Variants in USB1 observed in about 807,000 individuals in gnomAD.
USB1 encodes the protein U6 snRNA biogenesis phosphodiesterase 1.
A neutral mutation model predicts 29.9 loss-of-function variants in USB1; 21 were observed. The ratio of observed to expected loss-of-function variants is 0.70; its 90% CI spans 0.50 to 1.01. USB1 has a LOEUF of 1.01. USB1 is among the 50% of genes least tolerant of loss of function. The probability of loss-of-function intolerance (pLI) is 0.00; values close to 1 mark genes in which losing one functional copy is unlikely to be tolerated. For synonymous variants in USB1, 143 were observed against 134.9 expected (o/e 1.06, Z -0.42); for missense variants, 330 against 347.1 (o/e 0.95, Z 0.39).
rs150960523 is a variant in USB1, at chr16:58,012,546, C to T, written c.450-1727C>T. 8.0e-5 allele frequency: 109 copies of T among 1,362,234 alleles called. 1 individual carries two copies. The highest frequency in any genetic ancestry group is 4.6e-4 in the East Asian group (18 of 38,954). The allele number at this position is 1,362,234 out of a possible 1,614,324, so 84.4% of individuals were successfully genotyped here. A position where few individuals can be genotyped will look rare whatever the true frequency, so the allele number is the denominator to read the frequency against. ...ACAATGACGAAGCCACCGCATCTCC[C>T]GGCTAATGGTGTACCAGCCTGGAAA... On this transcript the variant is annotated intron_variant, in intron 3 of 6. Coordinates refer to ENST00000219281, the MANE Select transcript of USB1 (RefSeq NM_024598.4).
In USB1 at chr16:58,017,429, C is replaced by G. The variant is rs764715431; in HGVS notation, c.599C>G (p.Thr200Ser). 3.1e-6 allele frequency: 5 copies of G among 1,614,016 alleles called. No homozygotes were observed. In the South Asian group the frequency reaches 3.3e-5, roughly 11 times the overall value. Residue 200 changes from threonine (T) to serine (S), a missense_variant, in exon 5 of 7, where the codon ACT becomes AGT. Thr to Ser is a moderately conservative substitution (Grantham distance 58). Transcript: ENST00000219281. ...GTCATGGAGGAATTCAACCTCACCA[C>G]TTTCTACCAGGTAATGAATGGGGCT... ...DRVMEEFNLTTFYQDPSFHLS... is the reference protein window; with the variant it reads ...DRVMEEFNLTSFYQDPSFHLS...
chr16:58,014,638 C>T (rs1174351467), intron 4 of USB1, among the ~76,000 whole-genome samples: 1 of 152,112 alleles, frequency 6.6e-6, no homozygotes, highest in African/African-American at 2.4e-5. Flanking sequence ...CAAAAATTAG[C>T]TGAGCATGGT....
intron 4 of USB1, chr16:58,016,979 A>G: frequency 3.0e-6 from 1 of 335,824 alleles, no homozygotes; most frequent in Non-Finnish European, 5.8e-6. Context: ...CCTCGAGAAG[A>G]GGCCTCCTTG....
intron 2 of USB1, among the ~76,000 whole-genome samples, chr16:58,006,368 C>CA (rs74564449): frequency 8.2e-4 from 71 of 86,666 alleles, no homozygotes; most frequent in Middle Eastern, 8.1e-3. Flanking sequence ...AAAAAAAAAA[C>CA]AAAAAAAAAA....
chr16:58,002,999 G>T (rs1963266562), intron 2 of USB1, among the ~76,000 whole-genome samples: 1 of 152,172 alleles, frequency 6.6e-6, no homozygotes, highest in Non-Finnish European at 1.5e-5. Flanking sequence ...TCCCACCCTA[G>T]CTCTGATCAG....
intron 2 of USB1, among the ~76,000 whole-genome samples, chr16:58,008,204 T>C (rs1733063888): frequency 6.6e-6 from 1 of 152,046 alleles, no homozygotes; most frequent in South Asian, 2.1e-4. Context: ...CTGATTTTAG[T>C]AATTTGTGTG....
intron 2 of USB1, among the ~76,000 whole-genome samples, chr16:58,008,642 G>T (rs534926630): frequency 8.3e-4 from 126 of 151,754 alleles, no homozygotes; most frequent in Admixed American, 1.4e-3. Flanking sequence ...TAGTAGAGAC[G>T]GGGTGTCACC....
At chr16:58,005,618 T>G (rs4784880) in intron 2 of USB1, among the ~76,000 whole-genome samples, 105,329 of 151,466 alleles carry the variant, frequency 0.7, 37,120 homozygotes, top group African/African-American at 0.78. Flanking sequence ...ATTAATAATA[T>G]TCATATATAA....
chr16:58,013,358 CAG>C lies in USB1; in HGVS notation c.450-910_450-909del. ...TGATCCCTTACATTTTCTCCAGAGG[CAG>C]AGAGTTGGCTGACTGACTTTTGCCC... On this transcript the variant is annotated intron_variant, in intron 3 of 6. Coordinates refer to ENST00000219281, the MANE Select transcript of USB1 (RefSeq NM_024598.4). This position sits in a 1 kb window ranked among gnomAD's most constrained non-coding sequence, Gnocchi z 4.3. 8 of 985,486 alleles carry C rather than the reference CAG, an allele frequency of 8.1e-6. No individual in the cohort carries two copies. The highest frequency in any genetic ancestry group is 9.6e-6 in the Non-Finnish European group (8 of 829,990). 61.0% of individuals were successfully genotyped at this position (985,486 alleles called of 1,614,324 possible).
intron 2 of USB1, 122 bp from the exon 3 acceptor site, chr16:58,009,807 C>G (rs2142301943): frequency 1.4e-5 from 13 of 946,904 alleles, no homozygotes; most frequent in Non-Finnish European, 2.2e-5. Flanking sequence ...AGGCTGCTGT[C>G]CAAGTAATTT....
chr16:58,016,394 C>T (rs1040188189), intron 4 of USB1: 1 of 152,300 alleles, frequency 6.6e-6, no homozygotes, highest in African/African-American at 2.4e-5. Flanking sequence ...TATTGGACCC[C>T]TAGGTGGAAA....
chr16:58,015,214 C>G (rs917617433), intron 4 of USB1: 9 of 152,226 alleles, frequency 5.9e-5, no homozygotes, highest in African/African-American at 2.2e-4. Flanking sequence ...AAACCTGTTT[C>G]TGCCCAGCTC....
chr16:58,012,733 AAGG>A (rs1963526448), intron 3 of USB1: 2 of 1,070,404 alleles, frequency 1.9e-6, no homozygotes, highest in Non-Finnish European at 1.1e-6. Flanking sequence ...CCCCTGGATG[AAGG>A]AGGAGAGCGG....
At chr16:58,017,912 A>G (rs996354806) in intron 5 of USB1, among the ~76,000 whole-genome samples, 2 of 152,190 alleles carry the variant, frequency 1.3e-5, no homozygotes, top group South Asian at 2.1e-4. Flanking sequence ...GCTGAGGGAG[A>G]TAAGTATGAA....
At chr16:58,018,584 C>T (rs564931530) in intron 5 of USB1, among the ~76,000 whole-genome samples, 2 of 152,112 alleles carry the variant, frequency 1.3e-5, no homozygotes, top group African/African-American at 2.4e-5. Flanking sequence ...CTTCACATGG[C>T]GGGGCAGGGG....
chr16:58,018,998 C>T lies in USB1; in HGVS notation c.636C>T (p.Ala212=). 2 of 1,614,172 alleles carry T rather than the reference C, an allele frequency of 1.2e-6. No individual in the cohort carries two copies. The highest frequency in any genetic ancestry group is 1.1e-5 in the South Asian group (1 of 91,080). ...ATCCTTCTTTCCACCTCAGCCTGGC[C>T]TGGTGTGTGGGTGATGCACGTCTCC... ...YQDPSFHLSL[A]WCVGDARLQL... is the part of the protein sequence containing the mutation. The change falls in exon 6 of 7, where the codon GCC becomes GCT. Residue 212 remains alanine (A), a synonymous_variant. Transcript: ENST00000219281.
Position 58,010,093 on chromosome 16 carries a change from CG to C in USB1, c.431del (p.Arg144LeufsTer2), listed in dbSNP as rs762227910. 6.2e-7 allele frequency: 1 copy of C among 1,614,146 alleles called. No individual in the cohort carries two copies. The highest frequency in any genetic ancestry group is 8.5e-7 in the Non-Finnish European group (1 of 1,180,018). On this transcript the variant is annotated frameshift_variant, in exon 3 of 7. Coordinates refer to ENST00000219281, the MANE Select transcript of USB1 (RefSeq NM_024598.4). LOFTEE classifies it high-confidence loss of function. ...CCCCTTCGTGCAGGCTCTGAAAGCCCGTATGACCTCCTTCCACAGGTGAGTG... is the reference window on the plus strand; with the variant it reads ...CCCCTTCGTGCAGGCTCTGAAAGCCCTATGACCTCCTTCCACAGGTGAGTG... The part of the protein sequence containing the change: ...ILPFVQALKA[R>X]MTSFHRFFFT...
intron 2 of USB1, among the ~76,000 whole-genome samples, 191 bp downstream of exon 2, chr16:58,002,836 T>C (rs1158961488): frequency 6.6e-6 from 1 of 152,198 alleles, no homozygotes; most frequent in East Asian, 1.9e-4. Flanking sequence ...TGGTTTTGAA[T>C]TCGTAGCCTA....
rs192342616 is a variant in USB1 at position 58,011,744 on chromosome 16, C to T, written c.449+1632C>T. The T allele has an allele frequency of 1.0e-4, 99 of 987,518 alleles. No individual in the cohort carries two copies. In the East Asian group the frequency reaches 7.0e-3, roughly 70 times the overall value. The allele number at this position is 987,518 out of a possible 1,614,324, so 61.2% of individuals were successfully genotyped here. A position where few individuals can be genotyped will look rare whatever the true frequency, so the allele number is the denominator to read the frequency against. On this transcript the variant is annotated intron_variant, in intron 3 of 6. Transcript: ENST00000219281. ...CACTCACCCTCATATGCAGTCGTTCCTGTGTCCATCTTCCTTCCTGGAGCC... is the reference window on the plus strand; with the variant it reads ...CACTCACCCTCATATGCAGTCGTTCTTGTGTCCATCTTCCTTCCTGGAGCC...
Sources: gnomAD v4.1 joint callset for allele counts (sites outside exome capture counted in the v4.1 genomes callset) on GRCh38, gnomAD v4.1.1 for gene constraint, Gnocchi (gnomAD v3.1) non-coding constraint, MANE v1.5 for transcripts, NCBI Gene and HGNC (gene_info 2026-07-23, HGNC 2026-07-21) for gene names.